Variants in TRDMT1 observed in about 807,000 individuals in gnomAD.
The protein encoded by TRDMT1 is tRNA aspartic acid methyltransferase 1.
TRDMT1 carries 49 observed loss-of-function variants against 51.2 expected under a neutral mutation model. The ratio of observed to expected loss-of-function variants is 0.96; its 90% confidence interval spans 0.76 to 1.21. TRDMT1 has a LOEUF of 1.21. TRDMT1 is among the 50% of genes most tolerant of loss of function. TRDMT1 has a pLI of 0.00. For synonymous variants in TRDMT1, 187 were observed against 164.6 expected (o/e 1.14, Z -1.04); for missense variants, 534 against 462.3 (o/e 1.16, Z -1.42).
intron 8 of TRDMT1, among the ~76,000 whole-genome samples, chr10:17,155,396 C>G (rs1839368070): frequency 6.6e-6 from 1 of 152,030 alleles, no homozygotes; most frequent in African/African-American, 2.4e-5. Flanking sequence ...ATATTGGCTC[C>G]CTTGCCACAT....
At chr10:17,151,156 G>T (rs1460167084) in intron 10 of TRDMT1, 16 of 741,546 alleles carry the variant, frequency 2.2e-5, no homozygotes, top group Non-Finnish European at 2.5e-5. Flanking sequence ...AAAAGTAATT[G>T]AAGTTTTTGC....
At chr10:17,155,775 AT>A (rs1564563128) in intron 8 of TRDMT1, among the ~76,000 whole-genome samples, 2 of 152,116 alleles carry the variant, frequency 1.3e-5, no homozygotes, top group Non-Finnish European at 2.9e-5. Context: ...GAAAAAAATA[AT>A]TTTTTTCAAA....
intron 7 of TRDMT1, among the ~76,000 whole-genome samples, chr10:17,158,688 A>G (rs1839894155): frequency 1.3e-5 from 2 of 152,310 alleles, no homozygotes; most frequent in African/African-American, 2.4e-5. Flanking sequence ...AATCATTACT[A>G]TATTTTAATC....
intron 1 of TRDMT1, among the ~76,000 whole-genome samples, chr10:17,189,228 T>A (rs917807736): frequency 6.6e-6 from 1 of 152,214 alleles, no homozygotes; most frequent in African/African-American, 2.4e-5. Flanking sequence ...AGTGTATGTA[T>A]ATATATTTGT....
chr10:17,201,440 G>A, intron 1 of TRDMT1, 131 bp downstream of exon 1: 4 of 877,000 alleles, frequency 4.6e-6, no homozygotes, highest in Non-Finnish European at 4.9e-6. Context: ...CAGGACAACC[G>A]AGGGCCGCCC....
intron 8 of TRDMT1, among the ~76,000 whole-genome samples, chr10:17,155,303 A>G (rs1158320892): frequency 1.3e-5 from 2 of 152,222 alleles, no homozygotes; most frequent in African/African-American, 4.8e-5. Context: ...GATGAAATAT[A>G]AATTGTCATT....
chr10:17,171,932 C>A (rs1300574350), intron 2 of TRDMT1: 1 of 166,326 alleles, frequency 6.0e-6, no homozygotes, highest in East Asian at 1.9e-4. Flanking sequence ...AGTTTTTGTT[C>A]CACTGGAGTC....
Position 17,157,504 on chromosome 10 carries a change from C to G in TRDMT1, c.824G>C (p.Arg275Pro). ...AACAATGTCTAACAGAAGAGCATATCGCAGCAATGACTTTGGTGGTAAAAG... is the reference window on the plus strand; with the variant it reads ...AACAATGTCTAACAGAAGAGCATATGGCAGCAATGACTTTGGTGGTAAAAG... Reference protein sequence around the residue: ...QYLLPPKSLLRYALLLDIVQP... With the variant: ...QYLLPPKSLLPYALLLDIVQP... Residue 275 changes from arginine to proline, a missense_variant, in exon 8 of 11, where the codon CGA (arginine) becomes CCA (proline). Physicochemically the swap from Arg to Pro is moderately radical, Grantham distance 103. Transcript: ENST00000377799. 6.2e-7 allele frequency: 1 copy of G among 1,613,984 alleles called. No homozygotes were observed. The highest frequency in any genetic ancestry group is 8.5e-7 in the Non-Finnish European group (1 of 1,179,894).
intron 1 of TRDMT1, among the ~76,000 whole-genome samples, chr10:17,182,522 C>A (rs1322789224): frequency 6.6e-6 from 1 of 152,128 alleles, no homozygotes; most frequent in Non-Finnish European, 1.5e-5. Context: ...TGCAAAAGTC[C>A]TGTAAATAAG....
In TRDMT1 at chr10:17,141,530, AT is replaced by A. The variant is rs34799029; in HGVS notation, c.*7509del. On this transcript the variant is annotated 3_prime_UTR_variant, in exon 11 of 11. Coordinates refer to ENST00000377799, the MANE Select transcript of TRDMT1 (RefSeq NM_004412.7). ...ATTATTTAAATGCTCTTTCAGCTCC[AT>A]TTTTTTCCCCTCTACTTCTGGCACC... 1.4e-4 allele frequency among the ~76,000 whole-genome samples: 21 copies of A among 151,758 alleles called. 1 individual carries two copies. The highest frequency in any genetic ancestry group is 7.9e-4 in the Admixed American group (12 of 15,256).
Position 17,147,514 on chromosome 10 carries a change from A to C in TRDMT1, c.*1526T>G. 10 of 231,494 alleles carry C rather than the reference A, an allele frequency of 4.3e-5. No individual in the cohort carries two copies. The highest frequency in any genetic ancestry group is 7.1e-5 in the Non-Finnish European group (10 of 140,644). The allele number at this position is 231,494 out of a possible 1,614,324, so 14.3% of individuals were successfully genotyped here. A position where few individuals can be genotyped will look rare whatever the true frequency, so the allele number is the denominator to read the frequency against. ...CCCCATCCACCTCCAGAACTTTCTCATCACCCCAATCAGAAACTTTGTATC... is the reference window on the plus strand; with the variant it reads ...CCCCATCCACCTCCAGAACTTTCTCCTCACCCCAATCAGAAACTTTGTATC... On this transcript the variant is annotated 3_prime_UTR_variant, in exon 11 of 11. Coordinates refer to ENST00000377799, the MANE Select transcript of TRDMT1 (RefSeq NM_004412.7).
chr10:17,162,183 A>C lies in TRDMT1; in HGVS notation c.306T>G (p.Ile102Met), dbSNP rs551025913. 6.2e-7 allele frequency: 1 copy of C among 1,610,978 alleles called. No individual in the cohort carries two copies. Among genetic ancestry groups the C allele is most frequent in the South Asian group, 1.1e-5 (1 of 90,750 alleles). ...TDSRTNSFLH[I>M]LDILPRLQKL... ...GTTTTTACCTTGGGAGAATATCTAG[A>C]ATATGTAAGAAGCTATTCGTCCTTG... The change falls in exon 4 of 11, where the codon ATT (isoleucine) becomes ATG (methionine). Residue 102 changes from isoleucine (I) to methionine (M), a missense_variant. Physicochemically the swap from Ile to Met is conservative, Grantham distance 10. Coordinates refer to ENST00000377799, the MANE Select transcript of TRDMT1 (RefSeq NM_004412.7).
chr10:17,166,568 C>G (rs1274778984), intron 3 of TRDMT1, among the ~76,000 whole-genome samples: 2 of 152,124 alleles, frequency 1.3e-5, no homozygotes, highest in African/African-American at 4.8e-5. Flanking sequence ...AATAAGTTAG[C>G]TGGCATCATT....
rs1837770055 is a variant in TRDMT1, at chr10:17,142,576, C to A, written c.*6464G>T. 6.6e-6 allele frequency: 1 copy of A among 152,188 alleles called. No homozygotes were observed. Among genetic ancestry groups the A allele is most frequent in the African/African-American group, 2.4e-5 (1 of 41,406 alleles). 9.4% of individuals were successfully genotyped at this position (152,188 alleles called of 1,614,324 possible). On this transcript the variant is annotated 3_prime_UTR_variant, in exon 11 of 11. Transcript: ENST00000377799. ...GCCCCTGGATGCTCATCTCTCAGCA[C>A]AAAAGACAAGTCTCAGGTCTGGATG...
intron 2 of TRDMT1, among the ~76,000 whole-genome samples, chr10:17,170,693 C>A (rs1246382781): frequency 6.6e-6 from 1 of 152,176 alleles, no homozygotes; most frequent in East Asian, 1.9e-4. Context: ...TATCCAAGAC[C>A]ACAGTACGCT....
chr10:17,155,914 GT>G (rs1839428431), intron 8 of TRDMT1, among the ~76,000 whole-genome samples: 1 of 152,086 alleles, frequency 6.6e-6, no homozygotes, highest in Non-Finnish European at 1.5e-5. Flanking sequence ...TTTCAAGGTT[GT>G]TTTTTATTAC....
Position 17,149,082 on chromosome 10 carries a change from G to T in TRDMT1, c.1134C>A (p.Asn378Lys), listed in dbSNP as rs759890930. 16 of 1,611,248 alleles carry T rather than the reference G, an allele frequency of 9.9e-6. No homozygotes were observed. Among genetic ancestry groups the T allele is most frequent in the Non-Finnish European group, 1.2e-5 (14 of 1,179,064 alleles). ...TGATTAGTTTAGCTACTACATGCACGTTGAGACTATTTCCAAGTAGGCGAT... is the reference window on the plus strand; with the variant it reads ...TGATTAGTTTAGCTACTACATGCACTTTGAGACTATTTCCAAGTAGGCGAT... ...QRYRLLGNSL[N>K]VHVVAKLIKI... The change falls in exon 11 of 11, where the codon AAC (asparagine) becomes AAA (lysine). Residue 378 changes from asparagine to lysine, a missense_variant. Asn to Lys is a moderately conservative substitution (Grantham distance 94). Coordinates refer to ENST00000377799, the MANE Select transcript of TRDMT1 (RefSeq NM_004412.7).
At chr10:17,164,105 T>C (rs529933995) in intron 3 of TRDMT1, among the ~76,000 whole-genome samples, 2 of 152,280 alleles carry the variant, frequency 1.3e-5, no homozygotes, top group South Asian at 4.1e-4. Context: ...TGAACATCGA[T>C]GCAAAAATCC....
chr10:17,160,661 C>A lies in TRDMT1; in HGVS notation c.390-287G>T, dbSNP rs1408329437. ...AATTTTTTTGTATTTTTAGTAGATA[C>A]AGGGTTTCACCATCTTGGCCAGGCT... is the stretch of plus-strand genomic sequence containing the variant. On this transcript the variant is annotated intron_variant, in intron 5 of 10. Coordinates refer to ENST00000377799, the MANE Select transcript of TRDMT1 (RefSeq NM_004412.7). 2.0e-5 allele frequency among the ~76,000 whole-genome samples: 3 copies of A among 152,146 alleles called. No individual in the cohort carries two copies. In the South Asian group the frequency reaches 6.2e-4, roughly 32 times the overall value.
Sources: allele counts gnomAD v4.1 joint callset (sites outside exome capture counted in the v4.1 genomes callset), GRCh38; gene constraint gnomAD v4.1.1; transcripts MANE v1.5; gene names NCBI Gene and HGNC (gene_info 2026-07-23, HGNC 2026-07-21).